Variants in DGKH observed in about 807,000 individuals in gnomAD.
DGKH encodes the protein DAG kinase eta.
Under a neutral mutation model 159.3 loss-of-function variants are expected in DGKH, and 90 were observed. The observed-to-expected ratio is 0.57, with a 90% CI of 0.48 to 0.67. DGKH has a LOEUF of 0.67. DGKH is among the 30% of genes least tolerant of loss of function. The pLI is 0.00. For synonymous variants in DGKH, 536 were observed against 553.8 expected (o/e 0.97, Z 0.45); for missense variants, 1,181 against 1,506.1 (o/e 0.78, Z 3.57).
chr13:42,119,511 TC>T (rs1955026213), intron 1 of DGKH, among the ~76,000 whole-genome samples: 1 of 152,336 alleles, frequency 6.6e-6, no homozygotes, highest in African/African-American at 2.4e-5. Flanking sequence ...AGATGGCTCT[TC>T]CATGACATTC....
chr13:42,097,963 C>T (rs1319660724), intron 1 of DGKH, among the ~76,000 whole-genome samples: 1 of 152,168 alleles, frequency 6.6e-6, no homozygotes, highest in Non-Finnish European at 1.5e-5. Context: ...TATCTGTCTT[C>T]TGGTTGTGCT....
At chr13:42,179,268 A>G (rs954533672) in intron 13 of DGKH, among the ~76,000 whole-genome samples, 6 of 152,200 alleles carry the variant, frequency 3.9e-5, no homozygotes, top group African/African-American at 1.4e-4. Context: ...ATCTTCTGCC[A>G]TTTTTACTTA....
intron 1 of DGKH, among the ~76,000 whole-genome samples, chr13:42,088,118 T>G (rs1228761861): frequency 2.6e-5 from 4 of 152,108 alleles, no homozygotes; most frequent in African/African-American, 4.8e-5. Context: ...AGAGCGACAG[T>G]TTTAAATGGC....
At chr13:42,169,936 G>A (rs1956403415) in intron 11 of DGKH, among the ~76,000 whole-genome samples, 1 of 152,018 alleles carries the variant, frequency 6.6e-6, no homozygotes, top group Non-Finnish European at 1.5e-5. Flanking sequence ...AAAGAGAAAT[G>A]GTACCTATGG....
At chr13:42,221,781 A>G (rs1957979985) in intron 29 of DGKH, among the ~76,000 whole-genome samples, 1 of 152,236 alleles carries the variant, frequency 6.6e-6, no homozygotes, top group African/African-American at 2.4e-5. Context: ...CTAAAAATTA[A>G]TGCAAAATAC....
chr13:42,072,782 T>C (rs1883053682), intron 1 of DGKH, among the ~76,000 whole-genome samples: 1 of 152,096 alleles, frequency 6.6e-6, no homozygotes, highest in East Asian at 1.9e-4. Context: ...CTAATAAAAG[T>C]CCCTCCCTCA....
intron 23 of DGKH, 23 bp from the exon 24 acceptor site, chr13:42,210,579 G>A (rs376450227): frequency 7.5e-6 from 12 of 1,602,922 alleles, no homozygotes; most frequent in African/African-American, 5.4e-5. Context: ...CTAACAATTC[G>A]TTACAATATT....
Position 42,057,078 on chromosome 13 carries a change from G to C in DGKH, c.192+8113G>C, listed in dbSNP as rs1881816603. Among the ~76,000 whole-genome samples, 2 of 152,066 alleles carry C rather than the reference G, an allele frequency of 1.3e-5. 1 individual carries two copies. The highest frequency in any genetic ancestry group is 1.3e-4 in the Admixed American group (2 of 15,268). ...AATTAAACTTAACAAAAATTATTGAGACTTTTTAACGTACTTTTAAAAGGA... is the reference window on the plus strand; with the variant it reads ...AATTAAACTTAACAAAAATTATTGACACTTTTTAACGTACTTTTAAAAGGA... On this transcript the variant is annotated intron_variant, in intron 1 of 29. Coordinates refer to ENST00000337343, the MANE Select transcript of DGKH (RefSeq NM_178009.5).
chr13:42,212,017 A>C (rs937865808), intron 24 of DGKH, among the ~76,000 whole-genome samples: 1 of 152,190 alleles, frequency 6.6e-6, no homozygotes, highest in African/African-American at 2.4e-5. Context: ...ACGATATGAC[A>C]CATCATGTCT....
At position 42,059,256 on chromosome 13, in the gene DGKH, CT is replaced by C. The variant is rs943109115; in HGVS notation, c.192+10302del. On this transcript the variant is annotated intron_variant, in intron 1 of 29. Coordinates refer to ENST00000337343, the MANE Select transcript of DGKH (RefSeq NM_178009.5). Reference sequence around the variant, plus strand: ...TAATGATTTTTCAAGTGTCTTTTTTCTTTTTTTTTTTAAGACGGAGTCTCGC... The same window carrying C: ...TAATGATTTTTCAAGTGTCTTTTTTCTTTTTTTTTTAAGACGGAGTCTCGC... 6.9e-3 allele frequency among the ~76,000 whole-genome samples: 1,002 copies of C among 144,452 alleles called. 9 individuals are homozygous for C. Among genetic ancestry groups the C allele is most frequent in the African/African-American group, 0.021 (844 of 39,594 alleles). 94.8% of individuals were successfully genotyped at this position (144,452 alleles called of 152,430 possible).
chr13:42,190,183 C>T (rs1318562050), intron 15 of DGKH, among the ~76,000 whole-genome samples: 3 of 152,038 alleles, frequency 2.0e-5, no homozygotes, highest in Non-Finnish European at 2.9e-5. Context: ...AATTCTTATA[C>T]TTTACTTGTT....
chr13:42,127,589 A>T lies in DGKH; in HGVS notation c.303+16A>T. 1 of 1,608,814 alleles carries T rather than the reference A, an allele frequency of 6.2e-7. No individual in the cohort carries two copies. Among genetic ancestry groups the T allele is most frequent in the East Asian group, 2.2e-5 (1 of 44,712 alleles). ...GGACTCAAAGGTAACTCACGAGAAT[A>T]CTAGTTTCAAGCAATTGAGGCTATG... On this transcript the variant is annotated intron_variant, in intron 2 of 29. Transcript: ENST00000337343.
intron 1 of DGKH, among the ~76,000 whole-genome samples, chr13:42,081,874 G>A (rs1954207478): frequency 6.6e-6 from 1 of 152,092 alleles, no homozygotes; most frequent in Admixed American, 6.5e-5. Flanking sequence ...GTGCTCATTG[G>A]TATTGAGGTG....
chr13:42,083,838 G>A (rs1158169803), intron 1 of DGKH, among the ~76,000 whole-genome samples: 2 of 152,174 alleles, frequency 1.3e-5, no homozygotes, highest in Non-Finnish European at 2.9e-5. Flanking sequence ...AGTACTCCTG[G>A]AAACCAACGA....
intron 1 of DGKH, among the ~76,000 whole-genome samples, chr13:42,053,900 G>T (rs1248328706): frequency 6.6e-6 from 1 of 152,082 alleles, no homozygotes; most frequent in Non-Finnish European, 1.5e-5. Context: ...GATTACAGGC[G>T]TGAGCCACCA....
intron 20 of DGKH, among the ~76,000 whole-genome samples, chr13:42,201,754 A>T (rs1317581294): frequency 6.6e-6 from 1 of 152,190 alleles, no homozygotes; most frequent in Non-Finnish European, 1.5e-5. Flanking sequence ...TAAATTAACA[A>T]CATATTTTTA....
intron 7 of DGKH, 106 bp downstream of exon 7, chr13:42,160,242 C>A: frequency 2.7e-6 from 4 of 1,469,592 alleles, no homozygotes; most frequent in Non-Finnish European, 3.8e-6. Flanking sequence ...AGAGCTGAAC[C>A]TGGTAGCATA....
At chr13:42,108,642 G>T (rs1419142290) in intron 1 of DGKH, among the ~76,000 whole-genome samples, 1 of 152,164 alleles carries the variant, frequency 6.6e-6, no homozygotes, top group African/African-American at 2.4e-5. Flanking sequence ...GAGATGTCAG[G>T]CAGGCAGTTG....
intron 2 of DGKH, among the ~76,000 whole-genome samples, chr13:42,128,120 G>T (rs954057804): frequency 1.3e-5 from 2 of 152,144 alleles, no homozygotes; most frequent in African/African-American, 4.8e-5. Flanking sequence ...ACTCCAGTAT[G>T]CTAGCAATTA....
Sources: allele counts gnomAD v4.1 joint callset (sites outside exome capture counted in the v4.1 genomes callset), GRCh38; gene constraint gnomAD v4.1.1; transcripts MANE v1.5; gene names NCBI Gene and HGNC (gene_info 2026-07-23, HGNC 2026-07-21).